The following GCM1 variants were observed in gnomAD, a reference collection of about 807,000 sequenced individuals.
GCM1 encodes chorion-specific transcription factor GCMa.
A neutral mutation model predicts 25.7 loss-of-function variants in GCM1; 2 were observed. The ratio of observed to expected loss-of-function variants is 0.08; its 90% CI spans 0.03 to 0.24. The LOEUF is 0.24. Among genes scored for constraint, GCM1 ranks in the 10% least tolerant of loss-of-function variants. GCM1 has a pLI of 1.00. For missense variants in GCM1, 395 were observed against 538.7 expected (o/e 0.73, Z 2.64); for synonymous variants, 183 against 195.7 (o/e 0.94, Z 0.54).
intron 2 of GCM1, among the ~76,000 whole-genome samples, chr6:53,135,901 A>T (rs1763791850): frequency 6.6e-6 from 1 of 152,256 alleles, no homozygotes; most frequent in African/African-American, 2.4e-5. Flanking sequence ...AGAACTTTGT[A>T]ACTTGAGACT....
intron 2 of GCM1, among the ~76,000 whole-genome samples, chr6:53,143,849 T>TGGGGGGGGGGGAGGGGGGTAGGGGGGGG (rs1763914828): frequency 9.7e-6 from 1 of 103,064 alleles, no homozygotes; most frequent in Non-Finnish European, 2.0e-5. Context: ...GTAGAGGGGG[T>TGGGGGGGGGGGAGGGGGGTAGGGGGGGG]GGGGTTGGAA....
Position 53,130,845 on chromosome 6 carries a change from A to G in GCM1, c.528T>C (p.Pro176=). 1 of 1,613,942 alleles carries G rather than the reference A, an allele frequency of 6.2e-7. No individual in the cohort carries two copies. Among genetic ancestry groups the G allele is most frequent in the Non-Finnish European group, 8.5e-7 (1 of 1,179,796 alleles). ...CCTTCAGGCTCAATGAGACGGAGGA[A>G]GGTGCTGTGTTCACTTTCTTCATGG... ...RRAMKKVNTA[P]SSVSLSLKGS... The change falls in exon 5 of 6, where the codon CCT becomes CCC. Residue 176 remains proline (P), a synonymous_variant. Transcript: ENST00000259803.
chr6:53,148,208 T>G (rs1763993465), intron 1 of GCM1, among the ~76,000 whole-genome samples: 2 of 152,224 alleles, frequency 1.3e-5, no homozygotes, highest in South Asian at 4.1e-4. Context: ...CAAGCAGCAG[T>G]TCCGTGTACT....
intron 3 of GCM1, among the ~76,000 whole-genome samples, chr6:53,133,440 C>T (rs992119825): frequency 6.6e-6 from 1 of 152,054 alleles, no homozygotes; most frequent in African/African-American, 2.4e-5. Flanking sequence ...GATCTGCCTA[C>T]CTCAGCCTCC....
At chr6:53,148,466 C>A (rs1355233218) in intron 1 of GCM1, among the ~76,000 whole-genome samples, 1 of 152,094 alleles carries the variant, frequency 6.6e-6, no homozygotes, top group Non-Finnish European at 1.5e-5. Context: ...TTAACATTTG[C>A]TAAGCGAATG....
intron 2 of GCM1, among the ~76,000 whole-genome samples, chr6:53,134,577 T>C (rs1243619666): frequency 6.6e-6 from 1 of 152,228 alleles, no homozygotes; most frequent in Non-Finnish European, 1.5e-5. Flanking sequence ...GAGTTCCATC[T>C]GATTGACACT....
chr6:53,137,215 A>G (rs73445555), intron 2 of GCM1, among the ~76,000 whole-genome samples: 6,353 of 152,232 alleles, frequency 0.042, 292 homozygotes, highest in African/African-American at 0.11. Context: ...TGGCCAGGCC[A>G]GGATGCTGGT....
chr6:53,146,216 A>ATATATTT (rs1208975722), intron 1 of GCM1, among the ~76,000 whole-genome samples: 1 of 101,400 alleles, frequency 9.9e-6, no homozygotes, highest in African/African-American at 3.1e-5. Flanking sequence ...ATATATATAT[A>ATATATTT]TTTTTTTTTT....
chr6:53,146,944 G>A (rs1404156219), intron 1 of GCM1, among the ~76,000 whole-genome samples: 1 of 152,124 alleles, frequency 6.6e-6, no homozygotes, highest in Non-Finnish European at 1.5e-5. Context: ...CTGAGGTGGA[G>A]GATTACCCGA....
At chr6:53,137,369 C>T (rs1002887529) in intron 2 of GCM1, among the ~76,000 whole-genome samples, 5 of 152,214 alleles carry the variant, frequency 3.3e-5, no homozygotes, top group Admixed American at 2.6e-4. Flanking sequence ...TCTTCCCTTC[C>T]TTCCTTCCTT....
rs973284250 is a variant in GCM1 at position 53,148,784 on chromosome 6, A to T, written c.-167T>A. Reference sequence around the variant, plus strand: ...AACTTCTTACGGAGAAGCAGACAGCACTGTGTCGTGAAAATCTTACTGCTG... The same window carrying T: ...AACTTCTTACGGAGAAGCAGACAGCTCTGTGTCGTGAAAATCTTACTGCTG... On this transcript the variant is annotated 5_prime_UTR_variant, in exon 1 of 6. Coordinates refer to ENST00000259803, the MANE Select transcript of GCM1 (RefSeq NM_003643.4). 1.5e-4 allele frequency: 23 copies of T among 152,296 alleles called. No individual in the cohort carries two copies. Among genetic ancestry groups the T allele is most frequent in the African/African-American group, 5.3e-4 (22 of 41,552 alleles). The allele number at this position is 152,296 out of a possible 1,614,324, so 9.4% of individuals were successfully genotyped here.
At chr6:53,145,867 C>T in intron 1 of GCM1, 99 bp from the exon 2 acceptor site, 1 of 446,778 alleles carries the variant, frequency 2.2e-6, no homozygotes, top group Non-Finnish European at 3.9e-6. Context: ...GACATTTTTG[C>T]AAGTACCAAC....
At chr6:53,140,531 A>AAAAC (rs1491182354) in intron 2 of GCM1, among the ~76,000 whole-genome samples, 14 of 3,130 alleles carry the variant, frequency 4.5e-3, no homozygotes, top group African/African-American at 0.011. Flanking sequence ...TCTCTCTACC[A>AAAAC]AAAAAAAAAA....
intron 5 of GCM1, among the ~76,000 whole-genome samples, chr6:53,130,094 T>G (rs1763703452): frequency 6.6e-6 from 1 of 152,148 alleles, no homozygotes; most frequent in Non-Finnish European, 1.5e-5. Context: ...GGGCTTGCAT[T>G]TCCCTACAAC....
At chr6:53,135,206 T>C (rs1763782058) in intron 2 of GCM1, among the ~76,000 whole-genome samples, 1 of 152,148 alleles carries the variant, frequency 6.6e-6, no homozygotes, top group Non-Finnish European at 1.5e-5. Context: ...GTTCTAGAGC[T>C]CCTTTGCACA....
intron 2 of GCM1, among the ~76,000 whole-genome samples, chr6:53,142,000 GAAAAAAAAAAAAAAAAAAAAAA>G (rs59663630): frequency 0.043 from 524 of 12,258 alleles, 2 homozygotes; most frequent in Non-Finnish European, 0.062. Context: ...GTGAGACCCT[GAAAAAAAAAAAAAAAAAAAAAA>G]AAAAAAAAAA....
intron 2 of GCM1, among the ~76,000 whole-genome samples, chr6:53,141,691 A>G (rs900170659): frequency 6.6e-6 from 1 of 150,734 alleles, no homozygotes; most frequent in African/African-American, 2.4e-5. Flanking sequence ...TGTCTGAAAA[A>G]GAAAGAAAGA....
chr6:53,144,672 G>C (rs1763927806), intron 2 of GCM1, among the ~76,000 whole-genome samples: 1 of 151,310 alleles, frequency 6.6e-6, no homozygotes, highest in African/African-American at 2.4e-5. Context: ...GTGTGCCTGT[G>C]GTCCCAGGTA....
At position 53,128,594 on chromosome 6, in the gene GCM1, A is replaced by C. The variant is rs773767712; in HGVS notation, c.923T>G (p.Leu308Arg). The C allele has an allele frequency of 6.2e-7, 1 of 1,614,170 alleles. No individual in the cohort carries two copies. The highest frequency in any genetic ancestry group is 1.7e-5 in the Admixed American group (1 of 60,020). ...ATAATTGGAATAACAGTTGTCAGCA[A>C]GATGATTTCTCCCCAAAGCAGCATT... is the stretch of plus-strand genomic sequence containing the variant. ...SKNAALGRNH[L>R]ADNCYSNYPF... The change falls in exon 6 of 6, where the codon CTT (leucine) becomes CGT (arginine). Residue 308 changes from leucine to arginine, a missense_variant. This residue lies in a region of GCM1 where 291 missense variants were observed against 314.6 expected (regional missense o/e 0.92). Coordinates refer to ENST00000259803, the MANE Select transcript of GCM1 (RefSeq NM_003643.4).
Sources: gnomAD v4.1 joint callset for allele counts (sites outside exome capture counted in the v4.1 genomes callset) on GRCh38, gnomAD v4.1.1 for gene constraint, gnomAD v4.1.1 regional missense constraint, MANE v1.5 for transcripts, NCBI Gene and HGNC (gene_info 2026-07-23, HGNC 2026-07-21) for gene names.